Variants in SYN3 observed in about 807,000 individuals in gnomAD.
SYN3 encodes the protein synapsin-3.
In SYN3, 35 loss-of-function variants were observed where a neutral mutation model predicts 65.8. The ratio of observed to expected loss-of-function variants is 0.53; its 90% CI spans 0.41 to 0.70. The LOEUF is 0.70. SYN3 is among the 30% of genes least tolerant of loss of function. The pLI is 0.00. For missense variants in SYN3, 680 were observed against 749.0 expected, an observed-to-expected ratio of 0.91 and a Z score of 1.08; for synonymous variants, 270 against 292.9, an observed-to-expected ratio of 0.92 and a Z score of 0.80.
At position 32,790,518 on chromosome 22, in the gene SYN3, T is replaced by C. The variant is rs559501352; in HGVS notation, c.711+74397A>G. On this transcript the variant is annotated intron_variant, in intron 6 of 13. Coordinates refer to ENST00000358763, the MANE Select transcript of SYN3 (RefSeq NM_003490.4). ...TTGGCTCACTGCAACCTCCACCTCC[T>C]GGGTTCAAGCAATTCTTATGCCTCA... Among the ~76,000 whole-genome samples, 437 of 152,084 alleles carry C rather than the reference T, an allele frequency of 2.9e-3. 2 individuals carry two copies. Among genetic ancestry groups the C allele is most frequent in the African/African-American group, 9.9e-3 (412 of 41,496 alleles).
intron 7 of SYN3, among the ~76,000 whole-genome samples, chr22:32,571,886 G>T (rs913078308): frequency 6.6e-6 from 1 of 151,970 alleles, no homozygotes; most frequent in African/African-American, 2.4e-5. Context: ...GGTTTAGTTG[G>T]TATTTGTTGA....
At chr22:32,998,242 A>G (rs2052946245) in intron 2 of SYN3, among the ~76,000 whole-genome samples, 1 of 152,140 alleles carries the variant, frequency 6.6e-6, no homozygotes, top group Non-Finnish European at 1.5e-5. Flanking sequence ...ATACAGCGTA[A>G]TAACTCTTGG....
chr22:32,765,325 C>T (rs781661597), intron 6 of SYN3, among the ~76,000 whole-genome samples: 7 of 152,154 alleles, frequency 4.6e-5, no homozygotes, highest in Non-Finnish European at 5.9e-5. Flanking sequence ...AAACCTCGCT[C>T]GCCCACTTCA....
chr22:32,566,423 T>C (rs979141051), intron 7 of SYN3, among the ~76,000 whole-genome samples: 2 of 151,962 alleles, frequency 1.3e-5, no homozygotes, highest in African/African-American at 4.8e-5. Flanking sequence ...ACATGGATGC[T>C]CAAGGGAAGG....
intron 5 of SYN3, among the ~76,000 whole-genome samples, chr22:32,865,448 T>A (rs2048664757): frequency 6.6e-6 from 1 of 152,216 alleles, no homozygotes. Flanking sequence ...ACTAGCTGTA[T>A]AACCTGGGAA....
At chr22:32,797,795 C>T (rs1318299389) in intron 6 of SYN3, among the ~76,000 whole-genome samples, 2 of 152,176 alleles carry the variant, frequency 1.3e-5, no homozygotes, top group African/African-American at 2.4e-5. Context: ...AATGGCAGGA[C>T]CCATCTCCCC....
chr22:32,531,082 C>T (rs1225909542), intron 10 of SYN3, among the ~76,000 whole-genome samples: 2 of 145,172 alleles, frequency 1.4e-5, no homozygotes, highest in Non-Finnish European at 3.0e-5. Flanking sequence ...TGGGTTTTGC[C>T]AGGGCCCCGG....
At chr22:32,777,362 T>C (rs2045932675) in intron 6 of SYN3, among the ~76,000 whole-genome samples, 1 of 145,686 alleles carries the variant, frequency 6.9e-6, no homozygotes, top group African/African-American at 2.6e-5. Context: ...TTTCATTTCA[T>C]GGCCTGGAGC....
chr22:32,713,506 C>T (rs961321523), intron 6 of SYN3, among the ~76,000 whole-genome samples: 2 of 152,178 alleles, frequency 1.3e-5, no homozygotes, highest in Non-Finnish European at 2.9e-5. Context: ...TGGCCTGTGC[C>T]TCCATTCAGA....
At chr22:32,679,302 C>A (rs375691965) in intron 6 of SYN3, among the ~76,000 whole-genome samples, 23 of 145,080 alleles carry the variant, frequency 1.6e-4, no homozygotes, top group East Asian at 1.0e-3. Flanking sequence ...CCACCCATCT[C>A]GGTCTCCCAA....
Position 32,518,276 on chromosome 22 carries a change from C to A in SYN3, c.1377G>T (p.Gln459His). 2 of 1,612,012 alleles carry A rather than the reference C, an allele frequency of 1.2e-6. No individual in the cohort carries two copies. Among genetic ancestry groups the A allele is most frequent in the Non-Finnish European group, 1.7e-6 (2 of 1,178,874 alleles). Residue 459 changes from glutamine (Q) to histidine (H), a missense_variant, in exon 13 of 14, where the codon CAG becomes CAT. Transcript: ENST00000358763. ...GCTGCTGGCCTTGTGGGGAGAGCCT[C>A]TGTTGGGAGGGGCTTCCAGATCTCT... ...QPQRSGSPSQQRLSPQGQQPL... is the reference protein window; with the variant it reads ...QPQRSGSPSQHRLSPQGQQPL...
intron 4 of SYN3, among the ~76,000 whole-genome samples, chr22:32,896,786 T>C (rs2049604231): frequency 6.6e-6 from 1 of 152,242 alleles, no homozygotes; most frequent in Admixed American, 6.5e-5. Flanking sequence ...CGAAGATGTG[T>C]GTAATTCTCC....
At chr22:32,689,595 C>T (rs2060635902) in intron 6 of SYN3, among the ~76,000 whole-genome samples, 2 of 152,254 alleles carry the variant, frequency 1.3e-5, no homozygotes, top group South Asian at 4.1e-4. Flanking sequence ...TCCTAAATGA[C>T]AAAAGTTACA....
chr22:32,603,406 G>C (rs1289486860), intron 6 of SYN3, among the ~76,000 whole-genome samples: 1 of 150,726 alleles, frequency 6.6e-6, no homozygotes. Context: ...TGTAGTCCCA[G>C]CTACTAGGGA....
chr22:32,809,581 G>T (rs2046857773), intron 6 of SYN3, among the ~76,000 whole-genome samples: 1 of 152,038 alleles, frequency 6.6e-6, no homozygotes, highest in Admixed American at 6.5e-5. Context: ...GTTTGGAACA[G>T]TTATCCGACA....
chr22:32,585,562 C>A (rs996876741), intron 7 of SYN3, among the ~76,000 whole-genome samples: 1 of 152,200 alleles, frequency 6.6e-6, no homozygotes, highest in African/African-American at 2.4e-5. Context: ...GCAGGATGAC[C>A]CAGATTTCCC....
At chr22:32,648,684 C>T (rs2060018908) in intron 6 of SYN3, among the ~76,000 whole-genome samples, 1 of 152,198 alleles carries the variant, frequency 6.6e-6, no homozygotes, top group Admixed American at 6.5e-5. Context: ...GCCTCAGTTT[C>T]ATTAGCTGTA....
chr22:32,897,442 A>G (rs1453782982), intron 4 of SYN3, among the ~76,000 whole-genome samples: 1 of 152,192 alleles, frequency 6.6e-6, no homozygotes, highest in Non-Finnish European at 1.5e-5. Flanking sequence ...AATCACTGTT[A>G]CACACAGAGG....
intron 1 of SYN3, among the ~76,000 whole-genome samples, chr22:33,035,248 G>C (rs992062848): frequency 6.6e-6 from 1 of 150,638 alleles, no homozygotes; most frequent in Non-Finnish European, 1.5e-5. Flanking sequence ...CTAAGTGCTA[G>C]GTACTATTTT....
Sources: allele counts gnomAD v4.1 joint callset (sites outside exome capture counted in the v4.1 genomes callset), GRCh38; gene constraint gnomAD v4.1.1; transcripts MANE v1.5; gene names NCBI Gene and HGNC (gene_info 2026-07-23, HGNC 2026-07-21).